The following CRIM1 variants were observed in gnomAD, a reference collection of about 807,000 sequenced individuals.
CRIM1 encodes cysteine rich transmembrane BMP regulator 1.
CRIM1 carries 32 observed loss-of-function variants against 116.4 expected under a neutral mutation model. The ratio of observed to expected loss-of-function variants is 0.27; its 90% confidence interval spans 0.21 to 0.37. The LOEUF is 0.37. Among genes scored for constraint, CRIM1 ranks in the 10% least tolerant of loss-of-function variants. The probability of loss-of-function intolerance (pLI) is 1.00; values close to 1 mark genes in which losing one functional copy is unlikely to be tolerated. For synonymous variants in CRIM1, 590 were observed against 509.2 expected, an observed-to-expected ratio of 1.16 and a Z score of -2.13; for missense variants, 1,331 against 1,354.8, an observed-to-expected ratio of 0.98 and a Z score of 0.28.
intron 1 of CRIM1, among the ~76,000 whole-genome samples, chr2:36,382,579 T>G (rs1298744625): frequency 3.3e-5 from 5 of 152,222 alleles, no homozygotes; most frequent in Non-Finnish European, 5.9e-5. Context: ...ATGTCGTGGT[T>G]ATGGCACTAA....
intron 5 of CRIM1, among the ~76,000 whole-genome samples, chr2:36,466,508 G>C (rs950067144): frequency 6.6e-6 from 1 of 152,140 alleles, no homozygotes; most frequent in Non-Finnish European, 1.5e-5. Flanking sequence ...GACAGAAATA[G>C]TCACTGCTTC....
intron 8 of CRIM1, among the ~76,000 whole-genome samples, chr2:36,505,302 A>G (rs1215347650): frequency 1.3e-5 from 2 of 152,218 alleles, no homozygotes; most frequent in African/African-American, 4.8e-5. Flanking sequence ...CTATGACTTT[A>G]CGTGAAATGA....
At chr2:36,477,315 G>A (rs530591827) in intron 6 of CRIM1, among the ~76,000 whole-genome samples, 32 of 152,250 alleles carry the variant, frequency 2.1e-4, no homozygotes, top group African/African-American at 7.5e-4. Flanking sequence ...CACAGGCAAC[G>A]TGAGATGTCC....
intron 1 of CRIM1, among the ~76,000 whole-genome samples, chr2:36,366,375 A>C (rs1669604068): frequency 6.6e-6 from 1 of 152,150 alleles, no homozygotes; most frequent in African/African-American, 2.4e-5. Flanking sequence ...CCTAATTCAG[A>C]CTATCCTGAG....
intron 2 of CRIM1, among the ~76,000 whole-genome samples, chr2:36,424,541 G>T (rs917250113): frequency 1.3e-5 from 2 of 152,184 alleles, no homozygotes; most frequent in South Asian, 2.1e-4. Context: ...CCACAGTAGG[G>T]CTGTGTCCTT....
At chr2:36,412,770 C>T (rs1673312544) in intron 2 of CRIM1, among the ~76,000 whole-genome samples, 1 of 151,800 alleles carries the variant, frequency 6.6e-6, no homozygotes, top group Admixed American at 6.6e-5. Flanking sequence ...AATGGTGGCC[C>T]ATTTGATATA....
intron 13 of CRIM1, among the ~76,000 whole-genome samples, chr2:36,531,406 T>G (rs974296792): frequency 2.7e-5 from 4 of 149,992 alleles, no homozygotes; most frequent in Admixed American, 6.6e-5. Flanking sequence ...GGTTTTTTGT[T>G]TTTTTTTTTT....
chr2:36,472,665 T>A (rs1678624178), intron 5 of CRIM1, among the ~76,000 whole-genome samples: 1 of 152,190 alleles, frequency 6.6e-6, no homozygotes, highest in Admixed American at 6.5e-5. Context: ...TTCACCCAGA[T>A]GGTAGCTGTG....
chr2:36,548,471 G>C (rs1177516666), intron 16 of CRIM1, 54 bp from the exon 17 acceptor site: 42 of 1,373,880 alleles, frequency 3.1e-5, no homozygotes, highest in Non-Finnish European at 3.4e-5. Flanking sequence ...GTTCATTTGA[G>C]ATAATGTAAA....
chr2:36,460,547 A>C (rs1460141495), intron 4 of CRIM1, among the ~76,000 whole-genome samples: 2 of 152,176 alleles, frequency 1.3e-5, no homozygotes, highest in Non-Finnish European at 2.9e-5. Context: ...ATTATATCTC[A>C]ATAAAGCTGT....
intron 1 of CRIM1, among the ~76,000 whole-genome samples, chr2:36,362,887 G>A: frequency 6.6e-6 from 1 of 152,048 alleles, no homozygotes; most frequent in East Asian, 1.9e-4. Context: ...CTACATGTTG[G>A]TGGAAAAGTG....
At chr2:36,379,742 C>CTT (rs760969263) in intron 1 of CRIM1, among the ~76,000 whole-genome samples, 1,519 of 106,334 alleles carry the variant, frequency 0.014, 12 homozygotes, top group East Asian at 0.017. Context: ...TTCTTTCTCT[C>CTT]TTTTTTTTTT....
chr2:36,442,936 G>T (rs552413340), intron 4 of CRIM1, among the ~76,000 whole-genome samples: 45 of 152,106 alleles, frequency 3.0e-4, no homozygotes, highest in Admixed American at 5.2e-4. Context: ...AGGTTAAGTC[G>T]TTAAACCTTA....
intron 1 of CRIM1, among the ~76,000 whole-genome samples, chr2:36,365,505 GGC>G (rs1219758094): frequency 1.3e-5 from 2 of 152,144 alleles, no homozygotes; most frequent in Non-Finnish European, 2.9e-5. Flanking sequence ...AGGGTGTGAG[GGC>G]CAGAGGCCAT....
intron 1 of CRIM1, among the ~76,000 whole-genome samples, chr2:36,386,472 C>T (rs1237654625): frequency 6.6e-6 from 1 of 152,162 alleles, no homozygotes; most frequent in South Asian, 2.1e-4. Flanking sequence ...AAAGATGTTT[C>T]TCTGTTATTT....
chr2:36,469,511 T>C (rs1210346820), intron 5 of CRIM1, among the ~76,000 whole-genome samples: 2 of 152,190 alleles, frequency 1.3e-5, no homozygotes, highest in Non-Finnish European at 1.5e-5. Context: ...AGTAATCTTA[T>C]GTTGGCCCTG....
At chr2:36,457,809 G>A (rs938448417) in intron 4 of CRIM1, among the ~76,000 whole-genome samples, 1 of 151,370 alleles carries the variant, frequency 6.6e-6, no homozygotes, top group Non-Finnish European at 1.5e-5. Flanking sequence ...TTAATCAGTA[G>A]AAAGATAGTA....
intron 2 of CRIM1, among the ~76,000 whole-genome samples, chr2:36,399,127 C>T (rs1193573250): frequency 6.6e-6 from 1 of 151,978 alleles, no homozygotes; most frequent in Non-Finnish European, 1.5e-5. Flanking sequence ...TGTTGGTGGA[C>T]AATAGGAAAT....
At chr2:36,469,299 C>A (rs1446286200) in intron 5 of CRIM1, among the ~76,000 whole-genome samples, 1 of 152,168 alleles carries the variant, frequency 6.6e-6, no homozygotes, top group South Asian at 2.1e-4. Flanking sequence ...GATCTGAATA[C>A]AACTTAGCGT....
Sources: allele counts gnomAD v4.1 joint callset (sites outside exome capture counted in the v4.1 genomes callset), GRCh38; gene constraint gnomAD v4.1.1; transcripts MANE v1.5; gene names NCBI Gene and HGNC (gene_info 2026-07-23, HGNC 2026-07-21).